The following CAMKMT variants were observed in gnomAD, a reference collection of about 807,000 sequenced individuals.
The protein encoded by CAMKMT is calmodulin-lysine N-methyltransferase.
In CAMKMT, 53 loss-of-function variants were observed where a neutral mutation model predicts 48.0. That is an observed-to-expected ratio of 1.10 (90% CI 0.89 to 1.39). The LOEUF (loss-of-function observed/expected upper bound fraction) is 1.39, where lower values mean the gene tolerates loss of function less well. Among genes scored for constraint, CAMKMT ranks in the 40% most tolerant of loss-of-function variants. CAMKMT has a pLI of 0.00. For synonymous variants in CAMKMT, 165 were observed against 152.3 expected (o/e 1.08, Z -0.61); for missense variants, 428 against 402.7 (o/e 1.06, Z -0.54).
At chr2:44,397,390 T>TG (rs1414164484) in intron 3 of CAMKMT, among the ~76,000 whole-genome samples, 1 of 152,178 alleles carries the variant, frequency 6.6e-6, no homozygotes, top group Non-Finnish European at 1.5e-5. Flanking sequence ...TGAAAGCCAG[T>TG]GGAGCACTGA....
intron 2 of CAMKMT, among the ~76,000 whole-genome samples, chr2:44,380,857 T>C (rs935068648): frequency 2.0e-5 from 3 of 152,100 alleles, no homozygotes; most frequent in Non-Finnish European, 4.4e-5. Context: ...AAGCATTCTG[T>C]TTCTTTAAGA....
intron 7 of CAMKMT, among the ~76,000 whole-genome samples, chr2:44,740,821 A>G (rs934398481): frequency 6.6e-6 from 1 of 152,216 alleles, no homozygotes; most frequent in African/African-American, 2.4e-5. Context: ...GCTGAGCAAG[A>G]AAGAAAGATA....
intron 3 of CAMKMT, among the ~76,000 whole-genome samples, chr2:44,637,064 T>A (rs1474629194): frequency 2.0e-5 from 3 of 152,228 alleles, no homozygotes; most frequent in Admixed American, 2.0e-4. Context: ...TTTGACATAC[T>A]GCTGTTGAAA....
chr2:44,435,064 T>C (rs1666140556), intron 3 of CAMKMT, among the ~76,000 whole-genome samples: 1 of 152,178 alleles, frequency 6.6e-6, no homozygotes, highest in Non-Finnish European at 1.5e-5. Context: ...CTAATGAATT[T>C]ACATACGTAA....
At chr2:44,362,232 C>G in intron 1 of CAMKMT, 87 bp downstream of exon 1, 1 of 1,211,712 alleles carries the variant, frequency 8.3e-7, no homozygotes, top group Non-Finnish European at 1.1e-6. Context: ...GTTCTTTCCT[C>G]TTGGCAGCTC....
intron 3 of CAMKMT, among the ~76,000 whole-genome samples, chr2:44,561,459 A>G (rs747466706): frequency 2.0e-5 from 3 of 152,208 alleles, no homozygotes; most frequent in Non-Finnish European, 4.4e-5. Flanking sequence ...ATTCATCACT[A>G]TGAATTGATA....
intron 3 of CAMKMT, among the ~76,000 whole-genome samples, chr2:44,470,994 CTTTTTTTTT>C: frequency 1.3e-5 from 1 of 74,928 alleles, no homozygotes; most frequent in South Asian, 5.3e-4. Flanking sequence ...CTCTCTCTCT[CTTTTTTTTT>C]TTTTTTTTTT....
At chr2:44,404,992 G>A (rs1345649917) in intron 3 of CAMKMT, among the ~76,000 whole-genome samples, 1 of 152,046 alleles carries the variant, frequency 6.6e-6, no homozygotes, top group Non-Finnish European at 1.5e-5. Context: ...GCAAAAATAC[G>A]AAAATGCGTT....
At chr2:44,723,471 A>G (rs983219343) in intron 7 of CAMKMT, among the ~76,000 whole-genome samples, 5 of 151,892 alleles carry the variant, frequency 3.3e-5, no homozygotes, top group Admixed American at 1.3e-4. Context: ...GGCACCTGTA[A>G]TCCGAGCTAC....
chr2:44,440,714 T>A (rs1235042241), intron 3 of CAMKMT, among the ~76,000 whole-genome samples: 2 of 152,208 alleles, frequency 1.3e-5, no homozygotes, highest in Non-Finnish European at 2.9e-5. Context: ...GAAAGATGTA[T>A]TAAGACAGTG....
intron 6 of CAMKMT, among the ~76,000 whole-genome samples, chr2:44,714,118 A>T (rs1423452449): frequency 3.9e-5 from 6 of 152,208 alleles, no homozygotes; most frequent in Non-Finnish European, 7.3e-5. Context: ...GGAAAATATG[A>T]TGAAGCCAGG....
chr2:44,490,634 G>T (rs1333788515), intron 3 of CAMKMT, among the ~76,000 whole-genome samples: 1 of 151,880 alleles, frequency 6.6e-6, no homozygotes, highest in Non-Finnish European at 1.5e-5. Flanking sequence ...AAGTATTCTG[G>T]ATTTCAAGTA....
At chr2:44,597,926 G>A (rs745503700) in intron 3 of CAMKMT, among the ~76,000 whole-genome samples, 4 of 151,966 alleles carry the variant, frequency 2.6e-5, no homozygotes, top group East Asian at 1.9e-4. Flanking sequence ...TAGTAGAGAC[G>A]GGGTTTCACC....
intron 3 of CAMKMT, among the ~76,000 whole-genome samples, chr2:44,518,975 C>T (rs1345773949): frequency 3.3e-5 from 5 of 152,168 alleles, no homozygotes; most frequent in Admixed American, 2.6e-4. Flanking sequence ...TCCGTGTTGT[C>T]GGTTCTTATT....
intron 3 of CAMKMT, among the ~76,000 whole-genome samples, chr2:44,457,489 C>G (rs939018890): frequency 5.3e-5 from 8 of 151,804 alleles, no homozygotes; most frequent in South Asian, 2.1e-4. Flanking sequence ...ACCTCCACCC[C>G]CCGGGTTCAA....
chr2:44,746,622 T>C (rs550071665), intron 8 of CAMKMT, among the ~76,000 whole-genome samples: 126 of 152,248 alleles, frequency 8.3e-4, no homozygotes, highest in Admixed American at 1.4e-3. Context: ...ACTTGTAAAA[T>C]GTCAACTTTG....
At chr2:44,396,675 G>A (rs1423089131) in intron 3 of CAMKMT, among the ~76,000 whole-genome samples, 1 of 151,300 alleles carries the variant, frequency 6.6e-6, no homozygotes, top group Admixed American at 6.6e-5. Context: ...TACTTTTCCA[G>A]AGGCAGTCTG....
intron 3 of CAMKMT, among the ~76,000 whole-genome samples, chr2:44,502,892 TG>T (rs1206397367): frequency 6.6e-6 from 1 of 152,172 alleles, no homozygotes; most frequent in Admixed American, 6.6e-5. Context: ...ATATGTAATT[TG>T]GGGGTATAGA....
intron 3 of CAMKMT, among the ~76,000 whole-genome samples, chr2:44,608,286 A>G (rs1221480028): frequency 6.6e-6 from 1 of 151,890 alleles, no homozygotes; most frequent in Non-Finnish European, 1.5e-5. Flanking sequence ...GTTAGCCAAG[A>G]TGGTCTCGAT....
Sources: gnomAD v4.1 joint callset for allele counts (sites outside exome capture counted in the v4.1 genomes callset) on GRCh38, gnomAD v4.1.1 for gene constraint, MANE v1.5 for transcripts, NCBI Gene and HGNC (gene_info 2026-07-23, HGNC 2026-07-21) for gene names.